The following PPFIBP2 variants were observed in gnomAD, a reference collection of about 807,000 sequenced individuals.
PPFIBP2 encodes liprin-beta-2.
In PPFIBP2, 118 loss-of-function variants were observed where a neutral mutation model predicts 118.3. The observed-to-expected ratio is 1.00, with a 90% CI of 0.86 to 1.16. The LOEUF (loss-of-function observed/expected upper bound fraction) is 1.16. Ranked by LOEUF, PPFIBP2 falls within the 50% of genes most tolerant of loss-of-function variation. The probability of loss-of-function intolerance (pLI) is 0.00; values close to 1 mark genes in which losing one functional copy is unlikely to be tolerated. For missense variants in PPFIBP2, 1,195 were observed against 1,073.1 expected, an observed-to-expected ratio of 1.11 and a Z score of -1.59; for synonymous variants, 414 against 397.4, an observed-to-expected ratio of 1.04 and a Z score of -0.50.
At chr11:7,537,801 C>A (rs1851360179) in intron 1 of PPFIBP2, among the ~76,000 whole-genome samples, 1 of 152,172 alleles carries the variant, frequency 6.6e-6, no homozygotes, top group Admixed American at 6.5e-5. Flanking sequence ...AGATCCCTGC[C>A]TCGCTTCCCT....
intron 1 of PPFIBP2, among the ~76,000 whole-genome samples, chr11:7,538,069 A>C (rs1317398880): frequency 2.0e-5 from 3 of 152,206 alleles, no homozygotes; most frequent in Admixed American, 2.0e-4. Context: ...AACAACATCA[A>C]GCAAATACGG....
At chr11:7,629,359 T>C (rs1850447169) in intron 9 of PPFIBP2, 100 bp from the exon 10 acceptor site, 1 of 1,174,362 alleles carries the variant, frequency 8.5e-7, no homozygotes, top group East Asian at 2.4e-5. Flanking sequence ...CCACGTGGGA[T>C]TTCTTCTCCT....
chr11:7,666,955 T>C, the PPFIBP2 span: 1 of 160,666 alleles, frequency 6.2e-6, no homozygotes, highest in African/African-American at 2.4e-5. Context: ...AGAAATGTAA[T>C]GGGCTCAGAA....
intron 2 of PPFIBP2, among the ~76,000 whole-genome samples, chr11:7,557,095 T>G (rs951620950): frequency 1.3e-5 from 2 of 152,190 alleles, no homozygotes; most frequent in Non-Finnish European, 2.9e-5. Context: ...CTTTTTTAAT[T>G]CCATGCTTCC....
chr11:7,653,157 GC>G lies in PPFIBP2; in HGVS notation c.2572del (p.Leu858SerfsTer42). 1 of 1,614,224 alleles carries G rather than the reference GC, an allele frequency of 6.2e-7. No individual in the cohort carries two copies. The highest frequency in any genetic ancestry group is 8.5e-7 in the Non-Finnish European group (1 of 1,180,044). On this transcript the variant is annotated frameshift_variant, in exon 24 of 24. Coordinates refer to ENST00000299492, the MANE Select transcript of PPFIBP2 (RefSeq NM_003621.5). LOFTEE classifies it high-confidence loss of function. The stretch of plus-strand genomic sequence containing the variant: ...CACAGGGTCTACAGTGGCTACCGGG[GC>G]CTCAGCCCCCTTGATGCCCCTGAAC... Reference protein sequence around the residue: ...DSHRVYSGYRGLSPLDAPELD... With the variant: ...DSHRVYSGYRXLSPLDAPELD...
rs182781468 is a variant in PPFIBP2, at chr11:7,528,691, T to A, written c.-37+14570T>A. 4.9e-3 allele frequency among the ~76,000 whole-genome samples: 752 copies of A among 152,252 alleles called. 3 individuals carry two copies. The highest frequency in any genetic ancestry group is 8.6e-3 in the Non-Finnish European group (585 of 67,992). ...AGGGACCGATACAGTTCAGTAAGCA[T>A]TTGCTGAGAGCCTGCCCATGCAGGG... On this transcript the variant is annotated intron_variant, in intron 1 of 23. Coordinates refer to ENST00000299492, the MANE Select transcript of PPFIBP2 (RefSeq NM_003621.5).
intron 6 of PPFIBP2, among the ~76,000 whole-genome samples, chr11:7,619,650 G>A (rs548286624): frequency 7.9e-5 from 12 of 152,358 alleles, no homozygotes; most frequent in South Asian, 6.2e-4. Context: ...TGGTGCCTGA[G>A]TGGGAAAGAA....
intron 6 of PPFIBP2, among the ~76,000 whole-genome samples, chr11:7,611,274 A>C (rs944680884): frequency 6.6e-6 from 1 of 152,228 alleles, no homozygotes; most frequent in Admixed American, 6.5e-5. Flanking sequence ...AAGTCCAAAT[A>C]AAATCGTGAA....
At chr11:7,664,010 A>G in the PPFIBP2 span, among the ~76,000 whole-genome samples, 1 of 152,158 alleles carries the variant, frequency 6.6e-6, no homozygotes, top group Non-Finnish European at 1.5e-5. Flanking sequence ...TTCGGCTCGC[A>G]CACGGTGCGC....
At chr11:7,625,632 G>T (rs1239004837) in intron 7 of PPFIBP2, 145 bp from the exon 8 acceptor site, 8 of 640,510 alleles carry the variant, frequency 1.2e-5, no homozygotes, top group Admixed American at 8.0e-5. Flanking sequence ...TGTGGAGAGG[G>T]CAGTGAGCCC....
intron 17 of PPFIBP2, among the ~76,000 whole-genome samples, chr11:7,644,508 T>C (rs920682381): frequency 6.6e-6 from 1 of 152,212 alleles, no homozygotes; most frequent in African/African-American, 2.4e-5. Flanking sequence ...ACTGACTGTA[T>C]TGCCCTTCAG....
At chr11:7,618,632 T>C (rs1056346423) in intron 6 of PPFIBP2, among the ~76,000 whole-genome samples, 1 of 152,220 alleles carries the variant, frequency 6.6e-6, no homozygotes, top group Non-Finnish European at 1.5e-5. Context: ...AAAGCAGGTA[T>C]CTGAGGCCTT....
At chr11:7,538,121 C>T (rs2134408961) in intron 1 of PPFIBP2, among the ~76,000 whole-genome samples, 1 of 152,300 alleles carries the variant, frequency 6.6e-6, no homozygotes, top group East Asian at 1.9e-4. Flanking sequence ...TCCTGAAGCC[C>T]AGAAGGTCAG....
chr11:7,614,075 G>A (rs1848365887), intron 6 of PPFIBP2, among the ~76,000 whole-genome samples: 2 of 152,178 alleles, frequency 1.3e-5, no homozygotes, highest in African/African-American at 4.8e-5. Context: ...AGTGAGATCT[G>A]GGAAGATTGT....
intron 3 of PPFIBP2, among the ~76,000 whole-genome samples, chr11:7,578,620 G>C (rs928204236): frequency 2.6e-5 from 4 of 152,188 alleles, no homozygotes; most frequent in African/African-American, 9.7e-5. Context: ...TGGAGATGTA[G>C]GTGAAACAGT....
At chr11:7,579,112 G>A (rs1856881400) in intron 3 of PPFIBP2, among the ~76,000 whole-genome samples, 1 of 152,130 alleles carries the variant, frequency 6.6e-6, no homozygotes, top group Non-Finnish European at 1.5e-5. Context: ...AAGCTATGTT[G>A]GGAAAAGTGA....
At chr11:7,536,320 G>C (rs1026879634) in intron 1 of PPFIBP2, among the ~76,000 whole-genome samples, 2 of 152,130 alleles carry the variant, frequency 1.3e-5, no homozygotes, top group East Asian at 3.9e-4. Context: ...CCACCACTGG[G>C]GGTGTCAGAG....
the PPFIBP2 span, among the ~76,000 whole-genome samples, chr11:7,664,657 G>A: frequency 2.6e-4 from 39 of 152,086 alleles, no homozygotes; most frequent in Non-Finnish European, 4.9e-4. Context: ...TGATAAAGTC[G>A]GCAGGAGCAA....
At chr11:7,642,677 A>G (rs1021085216) in intron 17 of PPFIBP2, among the ~76,000 whole-genome samples, 1 of 152,184 alleles carries the variant, frequency 6.6e-6, no homozygotes, top group Non-Finnish European at 1.5e-5. Context: ...TATCTAACCA[A>G]AAGGCAAAAA....
Sources: gnomAD v4.1 joint callset for allele counts (sites outside exome capture counted in the v4.1 genomes callset) on GRCh38, gnomAD v4.1.1 for gene constraint, MANE v1.5 for transcripts, NCBI Gene and HGNC (gene_info 2026-07-23, HGNC 2026-07-21) for gene names.